The following PRELID2 variants were observed in gnomAD, a reference collection of about 807,000 sequenced individuals.
PRELID2 encodes the protein PRELI domain containing 2.
PRELID2 carries 25 observed loss-of-function variants against 28.4 expected under a neutral mutation model. The observed-to-expected ratio is 0.88, with a 90% CI of 0.64 to 1.23. The LOEUF (loss-of-function observed/expected upper bound fraction) is 1.23. Among genes scored for constraint, PRELID2 ranks in the 50% most tolerant of loss-of-function variants. The probability of loss-of-function intolerance (pLI) is 0.00; values close to 1 mark genes in which losing one functional copy is unlikely to be tolerated. For missense variants in PRELID2, 201 were observed against 214.4 expected (o/e 0.94, Z 0.39); for synonymous variants, 76 against 71.6 (o/e 1.06, Z -0.31).
At chr5:145,814,125 A>T (rs1381472337) in intron 4 of PRELID2, among the ~76,000 whole-genome samples, 2 of 152,216 alleles carry the variant, frequency 1.3e-5, no homozygotes, top group Non-Finnish European at 2.9e-5. Flanking sequence ...TGACTATTTT[A>T]AAATAATTTT....
At chr5:145,612,838 G>C (rs2149646164) in intron 1 of PRELID2, among the ~76,000 whole-genome samples, 1 of 152,272 alleles carries the variant, frequency 6.6e-6, no homozygotes, top group South Asian at 2.1e-4. Flanking sequence ...ACATACCACA[G>C]TTTCTTTATC....
intron 1 of PRELID2, among the ~76,000 whole-genome samples, chr5:145,543,983 G>C (rs1312814396): frequency 6.6e-6 from 1 of 152,050 alleles, no homozygotes; most frequent in African/African-American, 2.4e-5. Flanking sequence ...GTGACAGTGA[G>C]ATCGACTCCA....
chr5:145,793,839 C>A (rs1310166615), intron 5 of PRELID2, among the ~76,000 whole-genome samples: 1 of 152,032 alleles, frequency 6.6e-6, no homozygotes, highest in East Asian at 1.9e-4. Context: ...CCACTTCTGC[C>A]ATCAAGGAAC....
the PRELID2 span, among the ~76,000 whole-genome samples, chr5:145,239,523 T>C: frequency 6.6e-6 from 1 of 152,064 alleles, no homozygotes; most frequent in Non-Finnish European, 1.5e-5. Flanking sequence ...CCTGAAGTGA[T>C]GGTAAATGCT....
intron 1 of PRELID2, among the ~76,000 whole-genome samples, chr5:145,580,857 G>A (rs199557814): frequency 3.9e-5 from 6 of 152,092 alleles, no homozygotes; most frequent in South Asian, 2.1e-4. Context: ...TAGCATTACC[G>A]TATTTCTCCT....
chr5:145,282,810 C>G, the PRELID2 span, among the ~76,000 whole-genome samples: 1 of 152,166 alleles, frequency 6.6e-6, no homozygotes, highest in African/African-American at 2.4e-5. Context: ...TGAGCCACCA[C>G]GCCCTAGCAG....
chr5:145,617,007 G>T (rs973594602), intron 1 of PRELID2, among the ~76,000 whole-genome samples: 4 of 152,320 alleles, frequency 2.6e-5, no homozygotes, highest in African/African-American at 7.2e-5. Flanking sequence ...CTGAGAAAAA[G>T]AATTCAGTGG....
chr5:145,263,041 T>G, the PRELID2 span, among the ~76,000 whole-genome samples: 12,545 of 152,128 alleles, frequency 0.082, 1,117 homozygotes, highest in African/African-American at 0.23. Flanking sequence ...GAATAGCTAT[T>G]TTTATATCAG....
chr5:145,803,520 C>A (rs1026475198), intron 4 of PRELID2, among the ~76,000 whole-genome samples: 1 of 152,060 alleles, frequency 6.6e-6, no homozygotes, highest in African/African-American at 2.4e-5. Context: ...TACCCACCCA[C>A]GTAGTAAGTT....
the PRELID2 span, among the ~76,000 whole-genome samples, chr5:145,314,286 C>T: frequency 2.0e-5 from 3 of 152,180 alleles, no homozygotes; most frequent in African/African-American, 7.2e-5. Flanking sequence ...TTTAATCTCA[C>T]TCTATCTTTC....
chr5:145,670,395 C>T (rs921245883), intron 1 of PRELID2, among the ~76,000 whole-genome samples: 1 of 152,098 alleles, frequency 6.6e-6, no homozygotes, highest in Admixed American at 6.5e-5. Context: ...ACAAACACCT[C>T]CCCACTTGGC....
chr5:145,384,683 C>CTGGGCAT, the PRELID2 span, among the ~76,000 whole-genome samples: 8 of 152,108 alleles, frequency 5.3e-5, 1 homozygote, highest in Admixed American at 5.2e-4. Context: ...AAGCATAGCT[C>CTGGGCAT]CAGCATCAGC....
intron 2 of PRELID2, among the ~76,000 whole-genome samples, chr5:145,472,620 C>T (rs1752064789): frequency 6.6e-6 from 1 of 152,170 alleles, no homozygotes; most frequent in African/African-American, 2.4e-5. Flanking sequence ...CTTAGGGTCA[C>T]AGCAGAAAAT....
the PRELID2 span, among the ~76,000 whole-genome samples, chr5:145,455,913 T>G: frequency 6.6e-6 from 1 of 152,122 alleles, no homozygotes; most frequent in African/African-American, 2.4e-5. Context: ...GTACCTCAGT[T>G]GGAAATGCAG....
intron 1 of PRELID2, among the ~76,000 whole-genome samples, chr5:145,741,939 ATAAATAAATTTATTATAAT>A (rs1317816479): frequency 3.7e-3 from 143 of 38,598 alleles, no homozygotes; most frequent in Admixed American, 4.7e-3. Flanking sequence ...TTTATTATAA[ATAAATAAATTTATTATAAT>A]TAAATAAATA....
the PRELID2 span, among the ~76,000 whole-genome samples, chr5:145,298,433 C>T: frequency 6.6e-6 from 1 of 152,258 alleles, no homozygotes; most frequent in Non-Finnish European, 1.5e-5. Context: ...AAAGCTGAAA[C>T]TGGATCCCTT....
intron 1 of PRELID2, among the ~76,000 whole-genome samples, chr5:145,604,613 G>A (rs1489192896): frequency 6.6e-6 from 1 of 151,558 alleles, no homozygotes; most frequent in Non-Finnish European, 1.5e-5. Flanking sequence ...GAAATTGCTG[G>A]GTCAAGTGGT....
the PRELID2 span, among the ~76,000 whole-genome samples, chr5:145,464,706 ATTTAT>A: frequency 6.6e-6 from 1 of 152,068 alleles, no homozygotes; most frequent in Non-Finnish European, 1.5e-5. Flanking sequence ...TGTTTTTCTC[ATTTAT>A]TTTATTAAAC....
At chr5:145,392,914 T>C in the PRELID2 span, among the ~76,000 whole-genome samples, 42 of 152,296 alleles carry the variant, frequency 2.8e-4, no homozygotes, top group Middle Eastern at 3.4e-3. Flanking sequence ...TCTGACTCTA[T>C]TTTGTCCTCA....
Sources: allele counts gnomAD v4.1 joint callset (sites outside exome capture counted in the v4.1 genomes callset), GRCh38; gene constraint gnomAD v4.1.1; transcripts MANE v1.5; gene names NCBI Gene and HGNC (gene_info 2026-07-23, HGNC 2026-07-21).